The following FOXN3 variants were observed in gnomAD, a reference collection of about 807,000 sequenced individuals.
The protein encoded by FOXN3 is forkhead box protein N3.
In FOXN3, 7 loss-of-function variants were observed where a neutral mutation model predicts 38.4. The observed-to-expected ratio is 0.18, with a 90% CI of 0.10 to 0.34. FOXN3 has a LOEUF of 0.34. Ranked by LOEUF, FOXN3 falls within the 10% of genes least tolerant of loss-of-function variation. FOXN3 has a pLI of 1.00. For missense variants in FOXN3, 456 were observed against 613.4 expected (o/e 0.74, Z 2.71); for synonymous variants, 230 against 242.2 (o/e 0.95, Z 0.47).
At chr14:89,211,122 T>C (rs1884079722) in intron 4 of FOXN3, among the ~76,000 whole-genome samples, 1 of 152,368 alleles carries the variant, frequency 6.6e-6, no homozygotes, top group South Asian at 2.1e-4. Flanking sequence ...AACTAGAATA[T>C]ACTGTGTCCC....
At chr14:89,443,654 G>A (rs569908190) in intron 1 of FOXN3, among the ~76,000 whole-genome samples, 1 of 152,302 alleles carries the variant, frequency 6.6e-6, no homozygotes, top group East Asian at 1.9e-4. Flanking sequence ...AGAGAACCAA[G>A]AAATGGACCA....
chr14:89,215,373 A>G (rs1316390388), intron 4 of FOXN3, among the ~76,000 whole-genome samples: 1 of 151,572 alleles, frequency 6.6e-6, no homozygotes, highest in African/African-American at 2.4e-5. Context: ...CAGAAAGCCA[A>G]AGTAATATCC....
chr14:89,226,729 T>C (rs778018304), intron 4 of FOXN3, among the ~76,000 whole-genome samples: 4 of 152,192 alleles, frequency 2.6e-5, no homozygotes, highest in African/African-American at 7.2e-5. Context: ...ATAGTTAAGA[T>C]GGTCATACTC....
At chr14:89,258,874 C>T (rs1486920747) in intron 4 of FOXN3, among the ~76,000 whole-genome samples, 2 of 152,210 alleles carry the variant, frequency 1.3e-5, no homozygotes, top group Non-Finnish European at 2.9e-5. Flanking sequence ...ACCCTCTTTC[C>T]TTACTAGGCT....
chr14:89,486,001 C>A (rs1187551112), intron 1 of FOXN3, among the ~76,000 whole-genome samples: 2 of 152,180 alleles, frequency 1.3e-5, no homozygotes, highest in Non-Finnish European at 2.9e-5. Flanking sequence ...TTCCCTGAAC[C>A]AAGGAACTAC....
At chr14:89,183,895 G>A (rs1351867382) in intron 4 of FOXN3, 1 of 152,220 alleles carries the variant, frequency 6.6e-6, no homozygotes, top group Non-Finnish European at 1.5e-5. Context: ...TGTCCCCTGA[G>A]CAAGCTACTT....
chr14:89,453,477 G>T (rs1596280003), intron 1 of FOXN3, among the ~76,000 whole-genome samples: 1 of 139,650 alleles, frequency 7.2e-6, no homozygotes, highest in Non-Finnish European at 1.5e-5. Context: ...GGAGAACGGT[G>T]TGAACCCGGC....
In FOXN3 at chr14:89,334,611, C is replaced by CATAAAATAAAATAAA. The variant is rs142055992; in HGVS notation, c.680+16046_680+16060dup. ...GGTGAGAGAACAAGACTTCATCAAACATAAAATAAAATAAAATAAAATAAA... is the reference window on the plus strand; with the variant it reads ...GGTGAGAGAACAAGACTTCATCAAACATAAAATAAAATAAAATAAAATAAAATAAAATAAAATAAA... On this transcript the variant is annotated intron_variant, in intron 3 of 5. Transcript: ENST00000557258. Among the ~76,000 whole-genome samples the CATAAAATAAAATAAA allele has an allele frequency of 1.2e-3, 171 of 147,694 alleles. 2 individuals are homozygous for CATAAAATAAAATAAA. Among genetic ancestry groups the CATAAAATAAAATAAA allele is most frequent in the East Asian group, 8.8e-3 (43 of 4,908 alleles).
At chr14:89,292,974 C>T (rs895269605) in intron 3 of FOXN3, among the ~76,000 whole-genome samples, 2 of 152,224 alleles carry the variant, frequency 1.3e-5, no homozygotes, top group African/African-American at 2.4e-5. Context: ...GGCCTGGGTT[C>T]GGCTCCTCCC....
At chr14:89,423,917 C>G (rs1891970744) in intron 1 of FOXN3, among the ~76,000 whole-genome samples, 1 of 152,156 alleles carries the variant, frequency 6.6e-6, no homozygotes, top group South Asian at 2.1e-4. Context: ...ACTTCCCCAC[C>G]AGACTGACTA....
chr14:89,583,245 A>G lies in FOXN3; in HGVS notation c.-15+35783T>C, dbSNP rs536036668. ...GGCTTGAATGTTTTTGCCCCTCAAA[A>G]TTCATTTATTAGAAACTCATCCCCA... On this transcript the variant is annotated intron_variant, in intron 1 of 6. Transcript: ENST00000345097. Among the ~76,000 whole-genome samples the G allele has an allele frequency of 7.2e-5, 11 of 152,330 alleles. No homozygotes were observed. In the East Asian group the frequency reaches 1.9e-3, roughly 27 times the overall value.
In FOXN3 at chr14:89,161,422, T is replaced by C. The variant is rs1177972098; in HGVS notation, c.*992A>G. On this transcript the variant is annotated 3_prime_UTR_variant, in exon 6 of 6. Coordinates refer to ENST00000557258, the MANE Select transcript of FOXN3 (RefSeq NM_005197.4). ...TTTCACTTGGATCAAATAGTTTTGA[T>C]AGACAGAAAAAGATCTGTACCATTA... 2 of 151,660 alleles carry C rather than the reference T, an allele frequency of 1.3e-5. No individual in the cohort carries two copies. Among genetic ancestry groups the C allele is most frequent in the East Asian group, 3.9e-4 (2 of 5,158 alleles). 9.4% of individuals were successfully genotyped at this position (151,660 alleles called of 1,614,324 possible). A position where few individuals can be genotyped will look rare whatever the true frequency, so the allele number is the denominator to read the frequency against.
At position 89,291,397 on chromosome 14, in the gene FOXN3, G is replaced by A. The variant is rs144457344; in HGVS notation, c.681-10383C>T. On this transcript the variant is annotated intron_variant, in intron 3 of 5. Transcript: ENST00000557258. ...CATAAGTCTCCATGTCACCAGCAAG[G>A]ATGCTACTGTTCTTTAAAAACTTGG... 4.5e-3 allele frequency: 2,746 copies of A among 603,860 alleles called. 12 individuals carry two copies. Among genetic ancestry groups the A allele is most frequent in the Non-Finnish European group, 6.3e-3 (1,946 of 307,504 alleles). 37.4% of individuals were successfully genotyped at this position (603,860 alleles called of 1,614,324 possible).
chr14:89,180,953 T>TACAC (rs10692634), intron 4 of FOXN3, 147 bp from the exon 5 acceptor site: 845 of 479,732 alleles, frequency 1.8e-3, no homozygotes, highest in African/African-American at 5.2e-3. Context: ...CACGTGCACA[T>TACAC]ACACACACAC....
chr14:89,376,230 T>C (rs1890473870), intron 2 of FOXN3, among the ~76,000 whole-genome samples: 1 of 151,878 alleles, frequency 6.6e-6, no homozygotes, highest in South Asian at 2.1e-4. Context: ...CTAAAAGGAG[T>C]ATGTTCAAAG....
At chr14:89,408,275 AT>A (rs558572660) in intron 2 of FOXN3, among the ~76,000 whole-genome samples, 518 of 144,546 alleles carry the variant, frequency 3.6e-3, no homozygotes, top group African/African-American at 7.9e-3. Context: ...GAAAACGGGA[AT>A]TTTTTTTTTT....
At chr14:89,253,575 G>A (rs1194708791) in intron 4 of FOXN3, among the ~76,000 whole-genome samples, 2 of 152,132 alleles carry the variant, frequency 1.3e-5, no homozygotes, top group African/African-American at 2.4e-5. Context: ...AAGTTTGGCT[G>A]GTGGGGGCTC....
At chr14:89,253,154 C>A (rs1404492948) in intron 4 of FOXN3, among the ~76,000 whole-genome samples, 2 of 152,156 alleles carry the variant, frequency 1.3e-5, no homozygotes, top group African/African-American at 4.8e-5. Flanking sequence ...TGTCAGGGCT[C>A]ATTAAGGCCT....
chr14:89,512,592 TCTC>T (rs544412064), intron 1 of FOXN3, among the ~76,000 whole-genome samples: 13 of 152,314 alleles, frequency 8.5e-5, no homozygotes, highest in South Asian at 8.3e-4. Context: ...ATAAGAATGT[TCTC>T]CTCTTCCCGG....
Sources: gnomAD v4.1 joint callset for allele counts (sites outside exome capture counted in the v4.1 genomes callset) on GRCh38, gnomAD v4.1.1 for gene constraint, MANE v1.5 for transcripts, NCBI Gene and HGNC (gene_info 2026-07-23, HGNC 2026-07-21) for gene names.